The following PABIR2 variants were observed in gnomAD, a reference collection of about 807,000 sequenced individuals.
PABIR2 encodes PABIR family member 2, also known as family with sequence similarity 122B.
In PABIR2, 7 loss-of-function variants were observed where a neutral mutation model predicts 22.8. The observed-to-expected ratio is 0.31, with a 90% CI of 0.17 to 0.58. The LOEUF (loss-of-function observed/expected upper bound fraction) is 0.58, where lower values mean the gene tolerates loss of function less well. PABIR2 is among the 20% of genes least tolerant of loss of function. The pLI, the probability that PABIR2 is intolerant of heterozygous loss-of-function variation, is 0.89. For synonymous variants in PABIR2, 67 were observed against 73.8 expected, an observed-to-expected ratio of 0.91 and a Z score of 0.47; for missense variants, 155 against 205.1, an observed-to-expected ratio of 0.76 and a Z score of 1.49.
chrX:134,771,519 C>G lies in PABIR2; in HGVS notation c.*620G>C, dbSNP rs1304503711. On this transcript the variant is annotated 3_prime_UTR_variant, in exon 10 of 10. Transcript: ENST00000343004. ...AAAATCAATGCTCACTTCACACACC[C>G]CAACAGCAAAGAAGCAATAAGAGTA... 1.0e-6 allele frequency: 1 copy of G among 996,139 alleles called. No homozygotes were observed. Among genetic ancestry groups the G allele is most frequent in the Non-Finnish European group, 1.3e-6 (1 of 793,372 alleles). The allele number at this position is 996,139 out of a possible 1,213,427, so 82.1% of individuals were successfully genotyped here.
At position 134,775,470 on chromosome X, in the gene PABIR2, G is replaced by A. The variant is rs772254137; in HGVS notation, c.660-3187C>T. The stretch of plus-strand genomic sequence containing the variant: ...GGAGGCGGAGCTTGCAGTGAGCTGA[G>A]ATTGCACCACTGCACTCCAGCCTGG... On this transcript the variant is annotated intron_variant, in intron 9 of 9. Coordinates refer to ENST00000343004, the MANE Select transcript of PABIR2 (RefSeq NM_001387468.1). Among the ~76,000 whole-genome samples, 721 of 92,837 alleles carry A rather than the reference G, an allele frequency of 7.8e-3. 6 individuals are homozygous for A. The highest frequency in any genetic ancestry group is 0.011 in the Non-Finnish European group (550 of 48,912). The allele number at this position is 92,837 out of a possible 115,157, so 80.6% of individuals were successfully genotyped here. A position where few individuals can be genotyped will look rare whatever the true frequency, so the allele number is the denominator to read the frequency against.
intron 8 of PABIR2, among the ~76,000 whole-genome samples, chrX:134,784,396 G>A (rs1292604393): frequency 9.1e-6 from 1 of 110,124 alleles, no homozygotes; most frequent in African/African-American, 3.3e-5. Flanking sequence ...CCCAGGAGGT[G>A]GAGGTTGCAG....
intron 2 of PABIR2, among the ~76,000 whole-genome samples, chrX:134,791,175 A>T (rs978625588): frequency 1.8e-5 from 2 of 110,896 alleles, no homozygotes; most frequent in African/African-American, 6.6e-5. Flanking sequence ...GTAGTACCAG[A>T]AACAACAGGG....
At chrX:134,781,459 T>C (rs73568739) in intron 9 of PABIR2, among the ~76,000 whole-genome samples, 10,296 of 111,656 alleles carry the variant, frequency 0.092, 1,157 homozygotes, top group African/African-American at 0.32. Context: ...CTTCATTCAC[T>C]GTAATAATTT....
rs148010758 is a variant in PABIR2, at chrX:134,788,978, A to G, written c.333+107T>C. 223 of 1,060,025 alleles carry G rather than the reference A, an allele frequency of 2.1e-4. 2 individuals are homozygous for G. The East Asian group carries it at 5.8e-3, about 27-fold the overall frequency. 87.4% of individuals were successfully genotyped at this position (1,060,025 alleles called of 1,213,427 possible). ...AGCAGAGATCAAAAAACAAGTATCAATTTGGAAGTAGAAGGGGAAAGAAGT... is the reference window on the plus strand; with the variant it reads ...AGCAGAGATCAAAAAACAAGTATCAGTTTGGAAGTAGAAGGGGAAAGAAGT... On this transcript the variant is annotated intron_variant, in intron 5 of 9. Transcript: ENST00000343004.
chrX:134,788,539 T>G (rs1054341452), intron 6 of PABIR2, among the ~76,000 whole-genome samples, 191 bp downstream of exon 6: 1 of 104,560 alleles, frequency 9.6e-6, no homozygotes, highest in Non-Finnish European at 2.0e-5. Context: ...ATATATATGT[T>G]ATATATATAT....
chrX:134,773,078 C>T (rs2078877046), intron 9 of PABIR2, among the ~76,000 whole-genome samples: 1 of 110,608 alleles, frequency 9.0e-6, no homozygotes, highest in African/African-American at 3.3e-5. Context: ...CCAGGGATTC[C>T]TTCCCTATCC....
At chrX:134,777,524 CAAA>C (rs1177263144) in intron 9 of PABIR2, among the ~76,000 whole-genome samples, 2 of 29,555 alleles carry the variant, frequency 6.8e-5, no homozygotes, top group African/African-American at 1.0e-4. Flanking sequence ...GATCTTGTAT[CAAA>C]AAAAAAAAAA....
intron 2 of PABIR2, 130 bp from the exon 3 acceptor site, chrX:134,789,766 T>C: frequency 1.9e-6 from 1 of 536,528 alleles, no homozygotes; most frequent in Admixed American, 3.9e-5. Context: ...TTTAGATCAC[T>C]GAACGTTAAT....
Position 134,771,198 on chromosome X carries a change from C to T in PABIR2, c.*941G>A. 1 of 865,497 alleles carries T rather than the reference C, an allele frequency of 1.2e-6. No individual in the cohort carries two copies. Among genetic ancestry groups the T allele is most frequent in the Non-Finnish European group, 1.5e-6 (1 of 647,223 alleles). 71.3% of individuals were successfully genotyped at this position (865,497 alleles called of 1,213,427 possible). ...CATCCCTTATAGCATGACAATGTAC[C>T]CCAAGGCACCTGAGGCCTCATAATA... On this transcript the variant is annotated 3_prime_UTR_variant, in exon 10 of 10. Transcript: ENST00000343004.
chrX:134,789,878 A>G (rs756704707), intron 2 of PABIR2, among the ~76,000 whole-genome samples: 1 of 112,058 alleles, frequency 8.9e-6, no homozygotes, highest in African/African-American at 3.2e-5. Flanking sequence ...ACTTTTCCCA[A>G]ATGAATGTGA....
intron 9 of PABIR2, among the ~76,000 whole-genome samples, chrX:134,777,524 CAAAAAAAAA>C: frequency 3.4e-5 from 1 of 29,577 alleles, no homozygotes; most frequent in East Asian, 1.1e-3. Context: ...GATCTTGTAT[CAAAAAAAAA>C]AAAAAAAAAA....
rs1256426563 is a variant in PABIR2, at chrX:134,770,743, A to T, written c.*1396T>A. ...CTAGTTATAAATAACGTAACAATAG[A>T]TCACACTCAGATTTCTTAAACAGCT... On this transcript the variant is annotated 3_prime_UTR_variant, in exon 10 of 10. Coordinates refer to ENST00000343004, the MANE Select transcript of PABIR2 (RefSeq NM_001387468.1). The T allele has an allele frequency of 8.8e-6, 1 of 113,104 alleles. No homozygotes were observed. The highest frequency in any genetic ancestry group is 1.9e-5 in the Non-Finnish European group (1 of 53,422). The allele number at this position is 113,104 out of a possible 1,213,427, so 9.3% of individuals were successfully genotyped here. A position where few individuals can be genotyped will look rare whatever the true frequency, so the allele number is the denominator to read the frequency against.
chrX:134,789,396 G>T, intron 3 of PABIR2, 130 bp from the exon 4 acceptor site: 1 of 913,275 alleles, frequency 1.1e-6, no homozygotes, highest in Non-Finnish European at 1.6e-6. Flanking sequence ...CTACCTCATT[G>T]ACATAATCAC....
chrX:134,791,676 G>A, intron 2 of PABIR2: 1 of 330,741 alleles, frequency 3.0e-6, no homozygotes, highest in Middle Eastern at 4.4e-4. Context: ...GGCATTTCAA[G>A]GCAAAGAAAG....
At position 134,774,618 on chromosome X, in the gene PABIR2, G is replaced by C. The variant is rs1201181920; in HGVS notation, c.660-2335C>G. On this transcript the variant is annotated intron_variant, in intron 9 of 9. Transcript: ENST00000343004. ...CTTCTAACACTGCTGATTACCTTAA[G>C]AGAAATAAGCTAATTGAGGAGCAGA... Among the ~76,000 whole-genome samples the C allele has an allele frequency of 3.6e-5, 4 of 110,273 alleles. No individual in the cohort carries two copies. The East Asian group carries it at 1.1e-3, about 31-fold the overall frequency.
At chrX:134,788,082 TTATATGTGTAATATATACACGTTA>T (rs771773953) in intron 6 of PABIR2, among the ~76,000 whole-genome samples, 2,234 of 106,404 alleles carry the variant, frequency 0.021, 27 homozygotes, top group Non-Finnish European at 0.031. Context: ...AATATACACG[TTATATGTGTAATATATACACGTTA>T]TATATGTGTA....
chrX:134,771,676 A>G lies in PABIR2; in HGVS notation c.*463T>C. 1.3e-6 allele frequency: 1 copy of G among 784,317 alleles called. No individual in the cohort carries two copies. Among genetic ancestry groups the G allele is most frequent in the East Asian group, 9.9e-5 (1 of 10,135 alleles). The allele number at this position is 784,317 out of a possible 1,213,427, so 64.6% of individuals were successfully genotyped here. ...AATTTAATATAATTAAAAGCAATTT[A>G]TATATCATCATGAAATAAAGAGAGA... On this transcript the variant is annotated 3_prime_UTR_variant, in exon 10 of 10. Transcript: ENST00000343004.
intron 9 of PABIR2, among the ~76,000 whole-genome samples, chrX:134,775,216 T>C (rs772143823): frequency 9.9e-5 from 11 of 111,558 alleles, no homozygotes; most frequent in South Asian, 3.7e-4. Flanking sequence ...TGAGGCAATA[T>C]TTGAATCACA....
Sources: gnomAD v4.1 joint callset for allele counts (sites outside exome capture counted in the v4.1 genomes callset) on GRCh38, gnomAD v4.1.1 for gene constraint, MANE v1.5 for transcripts, NCBI Gene and HGNC (gene_info 2026-07-23, HGNC 2026-07-21) for gene names.